The following KIAA1217 variants were observed in gnomAD, a reference collection of about 807,000 sequenced individuals.
KIAA1217 encodes the protein sickle tail protein homolog.
Under a neutral mutation model 163.9 loss-of-function variants are expected in KIAA1217, and 88 were observed. That is an observed-to-expected ratio of 0.54 (90% CI 0.45 to 0.64). KIAA1217 has a LOEUF of 0.64. Ranked by LOEUF, KIAA1217 falls within the 30% of genes least tolerant of loss-of-function variation. The pLI is 0.00. For synonymous variants in KIAA1217, 903 were observed against 923.1 expected (o/e 0.98, Z 0.39); for missense variants, 2,372 against 2,475.0 (o/e 0.96, Z 0.88).
intron 1 of KIAA1217, among the ~76,000 whole-genome samples, chr10:23,952,904 ATGC>A (rs1844402918): frequency 6.6e-6 from 1 of 152,218 alleles, no homozygotes. Flanking sequence ...GTGTAGAAAC[ATGC>A]TGCTGAATGT....
intron 2 of KIAA1217, among the ~76,000 whole-genome samples, chr10:24,359,689 A>T (rs928592017): frequency 6.6e-6 from 1 of 152,314 alleles, no homozygotes; most frequent in African/African-American, 2.4e-5. Flanking sequence ...ATTACTTTAG[A>T]TTCTAAGATT....
At chr10:24,502,980 T>A (rs11014120) in intron 9 of KIAA1217, among the ~76,000 whole-genome samples, 1 of 151,996 alleles carries the variant, frequency 6.6e-6, no homozygotes, top group Non-Finnish European at 1.5e-5. Context: ...ACCAAGACTA[T>A]GTCTCAAAAA....
chr10:24,100,066 C>T (rs903386164), intron 2 of KIAA1217, among the ~76,000 whole-genome samples: 21 of 151,930 alleles, frequency 1.4e-4, no homozygotes, highest in Non-Finnish European at 2.6e-4. Flanking sequence ...CCTCCTCCTC[C>T]CCTCCCTCTC....
intron 3 of KIAA1217, among the ~76,000 whole-genome samples, chr10:24,413,249 G>T (rs1268466110): frequency 2.0e-5 from 3 of 152,096 alleles, no homozygotes; most frequent in Non-Finnish European, 4.4e-5. Context: ...GCAGTGGCAT[G>T]ATCTCAGCTC....
chr10:24,202,174 A>G (rs1476837502), intron 2 of KIAA1217, among the ~76,000 whole-genome samples: 1 of 152,190 alleles, frequency 6.6e-6, no homozygotes, highest in African/African-American at 2.4e-5. Flanking sequence ...CCATCACTCA[A>G]CCGGAGGCTG....
At chr10:24,084,155 T>C (rs535848434) in intron 2 of KIAA1217, among the ~76,000 whole-genome samples, 3 of 152,330 alleles carry the variant, frequency 2.0e-5, no homozygotes, top group African/African-American at 7.2e-5. Flanking sequence ...CAATTATAAA[T>C]GCAGAATGCT....
At chr10:24,374,811 G>A (rs987995850) in intron 2 of KIAA1217, among the ~76,000 whole-genome samples, 3 of 152,186 alleles carry the variant, frequency 2.0e-5, no homozygotes, top group Middle Eastern at 3.4e-3. Flanking sequence ...TTAGAGATGG[G>A]AGTCTTGTTC....
intron 2 of KIAA1217, among the ~76,000 whole-genome samples, chr10:24,309,217 G>A (rs1188162796): frequency 6.6e-6 from 1 of 151,728 alleles, no homozygotes; most frequent in Non-Finnish European, 1.5e-5. Context: ...AGAAAACAAT[G>A]AAATCCAGTT....
At chr10:24,456,598 A>G (rs2061812315) in intron 5 of KIAA1217, among the ~76,000 whole-genome samples, 1 of 152,190 alleles carries the variant, frequency 6.6e-6, no homozygotes, top group South Asian at 2.1e-4. Flanking sequence ...CCCAGCAGGG[A>G]AAAACCAAGC....
At chr10:24,362,729 G>A (rs1003736541) in intron 2 of KIAA1217, among the ~76,000 whole-genome samples, 9 of 152,124 alleles carry the variant, frequency 5.9e-5, no homozygotes, top group African/African-American at 9.7e-5. Flanking sequence ...GGCCGGGCGC[G>A]GTGGCTCACG....
At chr10:24,222,854 C>T (rs1451963746) in intron 2 of KIAA1217, among the ~76,000 whole-genome samples, 1 of 152,144 alleles carries the variant, frequency 6.6e-6, no homozygotes, top group African/African-American at 2.4e-5. Flanking sequence ...AATGGCTACT[C>T]CATAGAGCAG....
rs191659836 is a variant in KIAA1217, at chr10:24,389,316, C to T, written c.553+8249C>T. ...TATCGCAAGGACAGAAAACCAAACA[C>T]CACATGTTCTCACTCATAGGTGGGA... On this transcript the variant is annotated intron_variant, in intron 3 of 20. Coordinates refer to ENST00000376454, the MANE Select transcript of KIAA1217 (RefSeq NM_019590.5). Among the ~76,000 whole-genome samples the T allele has an allele frequency of 2.3e-3, 352 of 152,144 alleles. 1 individual carries two copies. The highest frequency in any genetic ancestry group is 8.2e-3 in the African/African-American group (341 of 41,506).
At chr10:23,734,269 G>C (rs11013676) in intron 1 of KIAA1217, among the ~76,000 whole-genome samples, 33,043 of 150,364 alleles carry the variant, frequency 0.22, 3,852 homozygotes, top group Middle Eastern at 0.29. Context: ...CATTGCCTTT[G>C]AATTTAGATT....
chr10:24,375,611 G>A (rs1384806854), intron 2 of KIAA1217, among the ~76,000 whole-genome samples: 6 of 152,146 alleles, frequency 3.9e-5, no homozygotes, highest in African/African-American at 9.7e-5. Context: ...AAAGAAATGG[G>A]GCTAAAGTGT....
chr10:24,266,916 T>G (rs950583148), intron 2 of KIAA1217, among the ~76,000 whole-genome samples: 39 of 152,168 alleles, frequency 2.6e-4, no homozygotes, highest in African/African-American at 8.7e-4. Flanking sequence ...GGTGCCATCT[T>G]TAAAAGCTGT....
At chr10:24,264,321 A>G (rs17505329) in intron 2 of KIAA1217, among the ~76,000 whole-genome samples, 41,691 of 152,060 alleles carry the variant, frequency 0.27, 6,402 homozygotes, top group Middle Eastern at 0.35. Context: ...TGAGACATGC[A>G]GAGGGACAGA....
intron 2 of KIAA1217, among the ~76,000 whole-genome samples, chr10:24,079,149 A>G (rs1019138334): frequency 1.3e-5 from 2 of 152,242 alleles, no homozygotes; most frequent in Admixed American, 1.3e-4. Context: ...GATTCACAAA[A>G]GGATTCATCA....
chr10:24,072,436 A>G (rs184899378), intron 2 of KIAA1217, among the ~76,000 whole-genome samples: 11 of 152,356 alleles, frequency 7.2e-5, no homozygotes, highest in Admixed American at 3.9e-4. Flanking sequence ...TTAGAGAAGA[A>G]GAAATAAATA....
chr10:23,744,171 G>A (rs1206490580), intron 1 of KIAA1217, among the ~76,000 whole-genome samples: 1 of 152,198 alleles, frequency 6.6e-6, no homozygotes, highest in Non-Finnish European at 1.5e-5. Context: ...GATAGGGGAT[G>A]GCCTTAGTGG....
Sources: gnomAD v4.1 joint callset for allele counts (sites outside exome capture counted in the v4.1 genomes callset) on GRCh38, gnomAD v4.1.1 for gene constraint, MANE v1.5 for transcripts, NCBI Gene and HGNC (gene_info 2026-07-23, HGNC 2026-07-21) for gene names.